Variants in AKAP8 observed in about 807,000 individuals in gnomAD.
AKAP8 encodes the protein A-kinase anchoring protein 8.
In AKAP8, 24 loss-of-function variants were observed where a neutral mutation model predicts 67.5. The observed-to-expected ratio is 0.36, with a 90% CI of 0.26 to 0.50. The LOEUF (loss-of-function observed/expected upper bound fraction) is 0.50. AKAP8 is among the 20% of genes least tolerant of loss of function. The probability of loss-of-function intolerance (pLI) is 0.97; values close to 1 mark genes in which losing one functional copy is unlikely to be tolerated. For missense variants in AKAP8, 971 were observed against 955.9 expected (o/e 1.02, Z -0.21); for synonymous variants, 400 against 371.1 (o/e 1.08, Z -0.90).
intron 13 of AKAP8, among the ~76,000 whole-genome samples, chr19:15,358,745 C>T (rs967156012): frequency 2.0e-5 from 3 of 152,158 alleles, no homozygotes; most frequent in African/African-American, 7.2e-5. Flanking sequence ...CCATTACGCA[C>T]TGATTAATCA....
rs150814855 is a variant in AKAP8 at position 15,378,204 on chromosome 19, G to A, written c.20-1190C>T. 3.8e-3 allele frequency among the ~76,000 whole-genome samples: 574 copies of A among 152,300 alleles called. 2 individuals are homozygous for A. The highest frequency in any genetic ancestry group is 6.4e-3 in the Non-Finnish European group (437 of 68,044). On this transcript the variant is annotated intron_variant, in intron 1 of 13. Coordinates refer to ENST00000269701, the MANE Select transcript of AKAP8 (RefSeq NM_005858.4). ...ACTGCTGAGTTTTGCCCTCTGCTAT[G>A]CTACGCCTTCCCCTCCGTCATACCG...
At chr19:15,368,950 C>T (rs1020285424) in intron 8 of AKAP8, 21 of 985,812 alleles carry the variant, frequency 2.1e-5, no homozygotes, top group African/African-American at 1.0e-4. Context: ...TCCTCCCGTC[C>T]GTCCCCCGGG....
intron 1 of AKAP8, chr19:15,378,893 T>A (rs1173136434): frequency 6.6e-6 from 1 of 152,574 alleles, no homozygotes; most frequent in African/African-American, 2.4e-5. Flanking sequence ...AAAGGACACG[T>A]TCCCTCCTGC....
intron 4 of AKAP8, 138 bp downstream of exon 4, chr19:15,373,648 C>G (rs886508799): frequency 8.8e-7 from 1 of 1,136,206 alleles, no homozygotes; most frequent in Non-Finnish European, 1.2e-6. Context: ...TCACTGACCC[C>G]CCACGAGCCC....
rs1401224381 is a variant in AKAP8, at chr19:15,374,204, C to T, written c.92-139G>A. ...CCAGTGCTGCTGGCATCACTTCACA[C>T]TGCACTGTGACCTGCCAAGAGGCAG... On this transcript the variant is annotated intron_variant, in intron 3 of 13. Transcript: ENST00000269701. 1.6e-5 allele frequency: 17 copies of T among 1,056,892 alleles called. No homozygotes were observed. In the East Asian group the frequency reaches 4.4e-4, roughly 27 times the overall value. The allele number at this position is 1,056,892 out of a possible 1,614,324, so 65.5% of individuals were successfully genotyped here.
intron 7 of AKAP8, among the ~76,000 whole-genome samples, chr19:15,371,523 C>A (rs1967157656): frequency 6.6e-6 from 1 of 151,228 alleles, no homozygotes; most frequent in Non-Finnish European, 1.5e-5. Context: ...GAGTCTCCCT[C>A]TGTCGCCCAG....
Position 15,373,359 on chromosome 19 carries a change from C to G in AKAP8, c.372-19G>C, listed in dbSNP as rs1203070974. On this transcript the variant is annotated intron_variant, in intron 4 of 13. Coordinates refer to ENST00000269701, the MANE Select transcript of AKAP8 (RefSeq NM_005858.4). ...GAAGGAGCTGCAACAGAAGCACAGCCCATCAGGGGCGGTCACCCCGATCAC... is the reference window on the plus strand; with the variant it reads ...GAAGGAGCTGCAACAGAAGCACAGCGCATCAGGGGCGGTCACCCCGATCAC... 6.3e-7 allele frequency: 1 copy of G among 1,584,070 alleles called. No homozygotes were observed. The highest frequency in any genetic ancestry group is 1.8e-5 in the Admixed American group (1 of 57,134).
In AKAP8 at chr19:15,373,200, C is replaced by A; in HGVS notation, c.512G>T (p.Ser171Ile). ...CTCCCGGGCTGGGTCTCGGCATTCA[C>A]TGTACTGCCCCCCAAAGCTGCCATT... ...DRNGSFGGQY[S>I]ECRDPARERG... is the part of the protein sequence containing the mutation. Residue 171 changes from serine to isoleucine, a missense_variant, in exon 5 of 14, where the codon AGT (serine) becomes ATT (isoleucine). Transcript: ENST00000269701. 1 of 1,613,840 alleles carries A rather than the reference C, an allele frequency of 6.2e-7. No homozygotes were observed. Among genetic ancestry groups the A allele is most frequent in the Non-Finnish European group, 8.5e-7 (1 of 1,180,020 alleles).
At chr19:15,376,637 C>T (rs573611710) in intron 2 of AKAP8, among the ~76,000 whole-genome samples, 70 of 152,280 alleles carry the variant, frequency 4.6e-4, no homozygotes, top group African/African-American at 1.7e-3. Context: ...AGAGAAAAAA[C>T]ACCTCGGATA....
chr19:15,376,139 C>CG (rs1215908539), intron 2 of AKAP8, among the ~76,000 whole-genome samples: 1 of 152,116 alleles, frequency 6.6e-6, no homozygotes, highest in Non-Finnish European at 1.5e-5. Flanking sequence ...GCTCGGGTCT[C>CG]GAACTCCCAG....
chr19:15,361,683 C>T (rs747826001), intron 11 of AKAP8, 46 bp downstream of exon 11: 2 of 1,544,072 alleles, frequency 1.3e-6, no homozygotes, highest in Non-Finnish European at 1.8e-6. Context: ...CTGTCACATG[C>T]CTTACTACCA....
intron 13 of AKAP8, among the ~76,000 whole-genome samples, chr19:15,356,776 G>C (rs1015051534): frequency 4.7e-4 from 72 of 152,196 alleles, no homozygotes; most frequent in African/African-American, 1.7e-3. Flanking sequence ...GGAGGTCAAG[G>C]CGGGAGGATC....
chr19:15,371,540 G>A (rs538008818), intron 7 of AKAP8, among the ~76,000 whole-genome samples: 1 of 151,990 alleles, frequency 6.6e-6, no homozygotes, highest in East Asian at 1.9e-4. Flanking sequence ...CCAGGCTGGG[G>A]TGCAGTGATG....
intron 7 of AKAP8, among the ~76,000 whole-genome samples, chr19:15,370,645 T>TC (rs1327930819): frequency 6.8e-6 from 1 of 147,134 alleles, no homozygotes; most frequent in Non-Finnish European, 1.5e-5. Context: ...TTTTTTTTTT[T>TC]TTTTGAGACG....
chr19:15,370,092 T>C, intron 8 of AKAP8, 54 bp downstream of exon 8: 2 of 1,608,634 alleles, frequency 1.2e-6, no homozygotes, highest in South Asian at 2.2e-5. Flanking sequence ...GGGCAGTAAG[T>C]GCGGGGCAGC....
At chr19:15,363,060 A>G (rs1967000218) in intron 9 of AKAP8, among the ~76,000 whole-genome samples, 1 of 147,664 alleles carries the variant, frequency 6.8e-6, no homozygotes, top group South Asian at 2.2e-4. Context: ...CTGTCTGAGA[A>G]GTGAGGAGAC....
intron 13 of AKAP8, among the ~76,000 whole-genome samples, chr19:15,356,562 G>A (rs191678154): frequency 2.2e-4 from 33 of 151,058 alleles, no homozygotes; most frequent in African/African-American, 7.1e-4. Context: ...TCAGGAGTTC[G>A]AGACCAGCCT....
intron 1 of AKAP8, 77 bp downstream of exon 1, chr19:15,379,636 G>C (rs1406116234): frequency 4.6e-6 from 7 of 1,522,666 alleles, no homozygotes; most frequent in Non-Finnish European, 6.2e-6. Flanking sequence ...GGCCCGGCCG[G>C]CGGCAGTCTG....
chr19:15,355,936 A>C (rs562602271), intron 13 of AKAP8, among the ~76,000 whole-genome samples: 1 of 151,890 alleles, frequency 6.6e-6, no homozygotes, highest in African/African-American at 2.4e-5. Context: ...GGGTTTCACC[A>C]TGTTGGGCAG....
Sources: allele counts gnomAD v4.1 joint callset (sites outside exome capture counted in the v4.1 genomes callset), GRCh38; gene constraint gnomAD v4.1.1; transcripts MANE v1.5; gene names NCBI Gene and HGNC (gene_info 2026-07-23, HGNC 2026-07-21).